The following UIMC1 variants were observed in gnomAD, a reference collection of about 807,000 sequenced individuals.
UIMC1 encodes the protein BRCA1-A complex subunit RAP80.
A neutral mutation model predicts 84.9 loss-of-function variants in UIMC1; 42 were observed. The observed-to-expected ratio is 0.49, with a 90% CI of 0.39 to 0.64. The LOEUF is 0.64. UIMC1 is among the 30% of genes least tolerant of loss of function. The probability of loss-of-function intolerance (pLI) is 0.00; values close to 1 mark genes in which losing one functional copy is unlikely to be tolerated. For missense variants in UIMC1, 825 were observed against 847.6 expected, an observed-to-expected ratio of 0.97 and a Z score of 0.33; for synonymous variants, 281 against 293.0, an observed-to-expected ratio of 0.96 and a Z score of 0.42.
intron 10 of UIMC1, among the ~76,000 whole-genome samples, chr5:176,914,020 TAC>T (rs1353343314): frequency 5.4e-5 from 8 of 149,256 alleles, no homozygotes; most frequent in East Asian, 4.0e-4. Flanking sequence ...TACCATACCA[TAC>T]ACCATACCAT....
intron 6 of UIMC1, among the ~76,000 whole-genome samples, chr5:176,964,085 TTC>T (rs1324561372): frequency 6.6e-6 from 1 of 152,180 alleles, no homozygotes; most frequent in Admixed American, 6.6e-5. Context: ...AAGTGAATGT[TTC>T]TCTGAGTCCC....
At chr5:177,008,430 G>T (rs1581736518), upstream of UIMC1, among the ~76,000 whole-genome samples, 2 of 152,142 alleles carry the variant, frequency 1.3e-5, no homozygotes, top group African/African-American at 2.4e-5. Flanking sequence ...AGACTTGTGA[G>T]CTCTATGAAG....
At chr5:176,941,502 C>T (rs1053678692) in intron 10 of UIMC1, among the ~76,000 whole-genome samples, 4 of 151,974 alleles carry the variant, frequency 2.6e-5, no homozygotes, top group Non-Finnish European at 5.9e-5. Context: ...TATGTACTTC[C>T]TTATTTAATA....
At chr5:176,911,550 C>T (rs1028831966) in intron 10 of UIMC1, among the ~76,000 whole-genome samples, 161 bp from the exon 11 acceptor site, 13 of 152,142 alleles carry the variant, frequency 8.5e-5, no homozygotes, top group African/African-American at 2.4e-4. Context: ...TTGAGAATAG[C>T]GATTGTAACA....
intron 1 of UIMC1, among the ~76,000 whole-genome samples, chr5:177,004,923 G>A (rs1480823076): frequency 6.6e-6 from 1 of 152,192 alleles, no homozygotes; most frequent in East Asian, 1.9e-4. Context: ...TTTATTTGGA[G>A]ACAAGGTCTT....
In UIMC1 at chr5:176,982,577, T is replaced by G; in HGVS notation, c.39A>C (p.Glu13Asp). ...RRKKKVKEVS[E>D]SRNLEKKDVE... ...CATCCTTCTTCTCCAGGTTCCGAGA[T>G]TCGGAGACTTCTTTAACTTTTTTCT... Residue 13 changes from glutamate to aspartate, a missense_variant, in exon 2 of 15, where the codon GAA (glutamate) becomes GAC (aspartate). Transcript: ENST00000511320. 2 of 1,614,132 alleles carry G rather than the reference T, an allele frequency of 1.2e-6. No homozygotes were observed. The highest frequency in any genetic ancestry group is 1.7e-6 in the Non-Finnish European group (2 of 1,180,024).
intron 4 of UIMC1, 147 bp downstream of exon 4, chr5:176,970,595 C>G: frequency 7.7e-7 from 1 of 1,301,650 alleles, no homozygotes; most frequent in Non-Finnish European, 1.1e-6. Context: ...CAATTCAACA[C>G]AGACTTTAAA....
intron 7 of UIMC1, among the ~76,000 whole-genome samples, chr5:176,956,925 T>C (rs999524075): frequency 6.6e-6 from 1 of 152,198 alleles, no homozygotes; most frequent in East Asian, 1.9e-4. Context: ...GACAGTTTAC[T>C]CTGCATGTAA....
chr5:176,979,010 G>T (rs1770585142), intron 2 of UIMC1, among the ~76,000 whole-genome samples: 1 of 152,146 alleles, frequency 6.6e-6, no homozygotes, highest in African/African-American at 2.4e-5. Flanking sequence ...GAGAAAAAAT[G>T]ATAGTTATTA....
chr5:176,949,936 C>A (rs1255632265), intron 9 of UIMC1, among the ~76,000 whole-genome samples: 1 of 151,680 alleles, frequency 6.6e-6, no homozygotes, highest in Non-Finnish European at 1.5e-5. Context: ...CACCTGTAAT[C>A]CTAGTTACTT....
chr5:176,928,905 C>A (rs529483379), intron 10 of UIMC1, among the ~76,000 whole-genome samples: 1 of 150,646 alleles, frequency 6.6e-6, no homozygotes, highest in African/African-American at 2.4e-5. Flanking sequence ...GAGAGGAGAT[C>A]GCGCCACTGC....
intron 1 of UIMC1, among the ~76,000 whole-genome samples, chr5:176,990,865 T>A (rs890097524): frequency 6.6e-6 from 1 of 151,268 alleles, no homozygotes; most frequent in Non-Finnish European, 1.5e-5. Context: ...GAGATGGGGG[T>A]CTTGCTGTGT....
intron 1 of UIMC1, among the ~76,000 whole-genome samples, chr5:177,018,242 T>C (rs1299785406): frequency 6.6e-6 from 1 of 151,846 alleles, no homozygotes; most frequent in Non-Finnish European, 1.5e-5. Context: ...TCCTAGCTAC[T>C]TAGGAGGCTG....
chr5:176,934,911 G>A (rs943117775), intron 10 of UIMC1, among the ~76,000 whole-genome samples: 1 of 152,196 alleles, frequency 6.6e-6, no homozygotes, highest in East Asian at 1.9e-4. Flanking sequence ...TGGATTCAAA[G>A]ATGGAGAGAC....
At chr5:176,966,162 C>G (rs1320916994) in intron 6 of UIMC1, among the ~76,000 whole-genome samples, 3 of 152,104 alleles carry the variant, frequency 2.0e-5, no homozygotes, top group Non-Finnish European at 4.4e-5. Flanking sequence ...ATAATGATTC[C>G]TAGAGGCATC....
chr5:176,923,760 A>C (rs1246752774), intron 10 of UIMC1, among the ~76,000 whole-genome samples: 1 of 151,290 alleles, frequency 6.6e-6, no homozygotes, highest in East Asian at 1.9e-4. Flanking sequence ...GCTACTCAGG[A>C]GGCTGAGGCA....
chr5:176,992,923 C>T (rs916553121), intron 1 of UIMC1, among the ~76,000 whole-genome samples: 1 of 152,052 alleles, frequency 6.6e-6, no homozygotes, highest in Non-Finnish European at 1.5e-5. Flanking sequence ...TGTTGGCTCA[C>T]GCCTGTAATC....
rs147113792 is a variant in UIMC1 at position 176,944,088 on chromosome 5, T to C, written c.1444-600A>G. On this transcript the variant is annotated intron_variant, in intron 9 of 14. Coordinates refer to ENST00000511320, the MANE Select transcript of UIMC1 (RefSeq NM_001199298.2). ...ACAAAAGGACTGTTATTACTGTAAG[T>C]GACTTTAAGACATAAGGAGTTAGAA... Among the ~76,000 whole-genome samples the C allele has an allele frequency of 9.1e-3, 1,389 of 152,330 alleles. 8 individuals carry two copies. The highest frequency in any genetic ancestry group is 0.025 in the South Asian group (121 of 4,830).
intron 1 of UIMC1, among the ~76,000 whole-genome samples, chr5:177,013,420 TAA>T (rs1236089171): frequency 6.7e-6 from 1 of 149,948 alleles, no homozygotes; most frequent in African/African-American, 2.5e-5. Context: ...TTTCTGATCA[TAA>T]GAGAGGAAAC....
Sources: gnomAD v4.1 joint callset for allele counts (sites outside exome capture counted in the v4.1 genomes callset) on GRCh38, gnomAD v4.1.1 for gene constraint, MANE v1.5 for transcripts, NCBI Gene and HGNC (gene_info 2026-07-23, HGNC 2026-07-21) for gene names.